Variants in SHANK1 observed in about 807,000 individuals in gnomAD.
The protein encoded by SHANK1 is SH3 and multiple ankyrin repeat domains 1.
SHANK1 carries 35 observed loss-of-function variants against 165.6 expected under a neutral mutation model. The ratio of observed to expected loss-of-function variants is 0.21; its 90% CI spans 0.16 to 0.28. The LOEUF (loss-of-function observed/expected upper bound fraction) is 0.28. Ranked by LOEUF, SHANK1 falls within the 10% of genes least tolerant of loss-of-function variation. The pLI is 1.00. For synonymous variants in SHANK1, 1,428 were observed against 1,384.8 expected (o/e 1.03, Z -0.69); for missense variants, 2,681 against 3,036.4 (o/e 0.88, Z 2.75).
rs1038200968 is a variant in SHANK1, at chr19:50,687,101, G to GCC, written c.2390-291_2390-290dup. 19 of 1,258,692 alleles carry GCC rather than the reference G, an allele frequency of 1.5e-5. No homozygotes were observed. In the Admixed American group the frequency reaches 4.8e-4, roughly 32 times the overall value. The allele number at this position is 1,258,692 out of a possible 1,614,324, so 78.0% of individuals were successfully genotyped here. ...TTAGGACGTCAGGGGAAGGTGAGGG[G>GCC]CCCCCTGTCTGGAAGCCCGCCTCCC... is the stretch of plus-strand genomic sequence containing the variant. On this transcript the variant is annotated intron_variant, in intron 19 of 23. Coordinates refer to ENST00000293441, the MANE Select transcript of SHANK1 (RefSeq NM_016148.5).
At chr19:50,707,194 A>C (rs4801849) in intron 8 of SHANK1, among the ~76,000 whole-genome samples, 1 of 152,018 alleles carries the variant, frequency 6.6e-6, no homozygotes, top group Admixed American at 6.6e-5. Context: ...TATTTGTCTC[A>C]GTAGTGTCTC....
At position 50,661,998 on chromosome 19, in the gene SHANK1, G is replaced by A. The variant is rs761477236; in HGVS notation, c.6453C>T (p.Ile2151=). ...GVTRVGHRMN[I]DRALKFFLER Reference sequence around the variant, plus strand: ...CCAGGAAGAATTTGAGAGCCCGGTCGATGTTCATGCGGTGGCCCACCCTGG... The same window carrying A: ...CCAGGAAGAATTTGAGAGCCCGGTCAATGTTCATGCGGTGGCCCACCCTGG... Residue 2151 remains isoleucine (I), a synonymous_variant, in exon 24 of 24, where the codon ATC becomes ATT. Transcript: ENST00000293441. 5.6e-6 allele frequency: 9 copies of A among 1,614,038 alleles called. No individual in the cohort carries two copies. Among genetic ancestry groups the A allele is most frequent in the East Asian group, 2.2e-5 (1 of 44,888 alleles).
intron 15 of SHANK1, among the ~76,000 whole-genome samples, chr19:50,694,547 G>C (rs891349685): frequency 7.4e-6 from 1 of 135,994 alleles, no homozygotes; most frequent in Non-Finnish European, 1.6e-5. Context: ...ATCCTGGAGG[G>C]GGGTCGGTTT....
intron 21 of SHANK1, among the ~76,000 whole-genome samples, chr19:50,672,976 C>T (rs111973571): frequency 1.3e-5 from 2 of 152,308 alleles, no homozygotes; most frequent in African/African-American, 4.8e-5. Context: ...CTGGATGCAG[C>T]ATCCCATCCC....
chr19:50,686,212 T>C lies in SHANK1; in HGVS notation c.2577+25A>G. ...GTGTGAACCGCCTCCCCCCTGGCAGTTCCTCCCCACACCAGGCCGCCTACC... is the reference window on the plus strand; with the variant it reads ...GTGTGAACCGCCTCCCCCCTGGCAGCTCCTCCCCACACCAGGCCGCCTACC... On this transcript the variant is annotated intron_variant, in intron 21 of 23. Transcript: ENST00000293441. The surrounding 1 kb of genome is among the most constrained non-coding windows in gnomAD (Gnocchi z 5.7). 7.0e-7 allele frequency: 1 copy of C among 1,432,600 alleles called. No homozygotes were observed. The highest frequency in any genetic ancestry group is 9.6e-7 in the Non-Finnish European group (1 of 1,040,896). The allele number at this position is 1,432,600 out of a possible 1,614,324, so 88.7% of individuals were successfully genotyped here.
rs142201032 is a variant in SHANK1 at position 50,673,732 on chromosome 19, A to C, written c.2578-1618T>G. ...AAGTGTTTTCATTTCTTTTCAAAGT[A>C]GAAGTGAAAGAAAAAAAGAAAAGAG... On this transcript the variant is annotated intron_variant, in intron 21 of 23. Coordinates refer to ENST00000293441, the MANE Select transcript of SHANK1 (RefSeq NM_016148.5). Among the ~76,000 whole-genome samples, 1,356 of 152,248 alleles carry C rather than the reference A, an allele frequency of 8.9e-3. 27 individuals are homozygous for C. The highest frequency in any genetic ancestry group is 0.031 in the African/African-American group (1,276 of 41,514).
Position 50,697,115 on chromosome 19 carries a change from C to G in SHANK1, c.1945G>C (p.Asp649His), listed in dbSNP as rs1028842282. 6 of 1,613,058 alleles carry G rather than the reference C, an allele frequency of 3.7e-6. No individual in the cohort carries two copies. The highest frequency in any genetic ancestry group is 4.2e-6 in the Non-Finnish European group (5 of 1,179,720). ...YDSFDAPSLM[D>H]GIGPGSDYII... Reference sequence around the variant, plus strand: ...TCTCACCTCCCTGGGCCAATCCCATCCATTAAGCTTCCGAAGCAAGTCAGC... The same window carrying G: ...TCTCACCTCCCTGGGCCAATCCCATGCATTAAGCTTCCGAAGCAAGTCAGC... Residue 649 changes from aspartate (D) to histidine (H), a missense_variant, in exon 15 of 24, where the codon GAT becomes CAT. This residue lies in a region of SHANK1 where 147 missense variants were observed against 256.5 expected (regional missense o/e 0.57). Transcript: ENST00000293441. This position sits in a 1 kb window ranked among gnomAD's most constrained non-coding sequence, Gnocchi z 4.7.
In SHANK1 at chr19:50,702,461, G is replaced by A. The variant is rs776947848; in HGVS notation, c.1747+6C>T. 1.2e-6 allele frequency: 2 copies of A among 1,607,064 alleles called. No individual in the cohort carries two copies. The highest frequency in any genetic ancestry group is 2.2e-5 in the South Asian group (2 of 90,296). On this transcript the variant is annotated splice_donor_region_variant and intron_variant, in intron 12 of 23. Coordinates refer to ENST00000293441, the MANE Select transcript of SHANK1 (RefSeq NM_016148.5). This position sits in a 1 kb window ranked among gnomAD's most constrained non-coding sequence, Gnocchi z 5.3. ...CCAGCCCAGGCCCTGCTTCCACCCT[G>A]GGTACCTTTGATCTTCTCGCCCTTG...
Position 50,686,483 on chromosome 19 carries a change from C to G in SHANK1, c.2459-128G>C, listed in dbSNP as rs1352162514. 1.3e-6 allele frequency: 1 copy of G among 778,402 alleles called. No homozygotes were observed. Among genetic ancestry groups the G allele is most frequent in the Non-Finnish European group, 2.1e-6 (1 of 473,884 alleles). The allele number at this position is 778,402 out of a possible 1,614,324, so 48.2% of individuals were successfully genotyped here. On this transcript the variant is annotated intron_variant, in intron 20 of 23. Coordinates refer to ENST00000293441, the MANE Select transcript of SHANK1 (RefSeq NM_016148.5). The surrounding 1 kb of genome is among the most constrained non-coding windows in gnomAD (Gnocchi z 5.7). ...CTGGATCAACCAGGAAAGGGCAGCC[C>G]TGCCTGGGTCCGGGTGGACGGGCAG... is the stretch of plus-strand genomic sequence containing the variant.
intron 15 of SHANK1, among the ~76,000 whole-genome samples, chr19:50,696,517 G>T (rs1446565468): frequency 6.6e-6 from 1 of 152,018 alleles, no homozygotes; most frequent in Non-Finnish European, 1.5e-5. Context: ...CCCTGGATTG[G>T]GGGGAGCAGT....
In SHANK1 at chr19:50,662,118, A is replaced by AC. The variant is rs146869643; in HGVS notation, c.6332dup (p.Leu2112PhefsTer71). 6.3e-7 allele frequency: 1 copy of AC among 1,594,816 alleles called. No homozygotes were observed. On this transcript the variant is annotated frameshift_variant, in exon 24 of 24. Transcript: ENST00000293441. LOFTEE classifies it high-confidence loss of function. The surrounding 1 kb of genome is among the most constrained non-coding windows in gnomAD (Gnocchi z 7.7). ...GGAACTGGGCTCGGTGCTCCGCCAA[A>AC]CCCAGCCACTCCAGCCAATCAGCCA...
intron 15 of SHANK1, among the ~76,000 whole-genome samples, chr19:50,694,197 GCA>G (rs1192977510): frequency 6.6e-6 from 1 of 151,388 alleles, no homozygotes; most frequent in East Asian, 2.0e-4. Flanking sequence ...ACACACACAC[GCA>G]CACACACGCA....
chr19:50,695,206 C>A (rs1479883114), intron 15 of SHANK1, among the ~76,000 whole-genome samples: 1 of 137,502 alleles, frequency 7.3e-6, no homozygotes, highest in East Asian at 2.2e-4. Context: ...GGGGCGCGCA[C>A]CCCCTCCCGC....
At position 50,686,163 on chromosome 19, in the gene SHANK1, GA is replaced by G; in HGVS notation, c.2577+73del. 1 of 862,802 alleles carries G rather than the reference GA, an allele frequency of 1.2e-6. No homozygotes were observed. 53.4% of individuals were successfully genotyped at this position (862,802 alleles called of 1,614,324 possible). On this transcript the variant is annotated intron_variant, in intron 21 of 23. Coordinates refer to ENST00000293441, the MANE Select transcript of SHANK1 (RefSeq NM_016148.5). This position sits in a 1 kb window ranked among gnomAD's most constrained non-coding sequence, Gnocchi z 5.7. The stretch of plus-strand genomic sequence containing the variant: ...GCACAGAGGCGTCAGGAGGGTTTTG[GA>G]AAGAGAAAGGCTCCAGGTTGGTGTG...
In SHANK1 at chr19:50,688,201, C is replaced by T; in HGVS notation, c.2173-143G>A. ...GTTCCTCTCCCTCCGACCCTTCATA[C>T]CACCGCCTCCCTGGGCAAGCCCCCT... is the stretch of plus-strand genomic sequence containing the variant. On this transcript the variant is annotated intron_variant, in intron 17 of 23. Coordinates refer to ENST00000293441, the MANE Select transcript of SHANK1 (RefSeq NM_016148.5). This position sits in a 1 kb window ranked among gnomAD's most constrained non-coding sequence, Gnocchi z 6.7. 9.8e-7 allele frequency: 1 copy of T among 1,020,732 alleles called. No individual in the cohort carries two copies. The highest frequency in any genetic ancestry group is 1.4e-6 in the Non-Finnish European group (1 of 701,774). 63.2% of individuals were successfully genotyped at this position (1,020,732 alleles called of 1,614,324 possible).
At chr19:50,711,341 G>A (rs1168221286) in intron 8 of SHANK1, 30 bp downstream of exon 8, 4 of 1,498,072 alleles carry the variant, frequency 2.7e-6, no homozygotes, top group South Asian at 2.4e-5. Context: ...GGGGATGTGA[G>A]GGGCCTGGGG....
chr19:50,672,420 C>T lies in SHANK1; in HGVS notation c.2578-306G>A, dbSNP rs958569094. 1.4e-4 allele frequency among the ~76,000 whole-genome samples: 22 copies of T among 151,872 alleles called. No homozygotes were observed. The East Asian group carries it at 3.9e-3, about 27-fold the overall frequency. On this transcript the variant is annotated intron_variant, in intron 21 of 23. Coordinates refer to ENST00000293441, the MANE Select transcript of SHANK1 (RefSeq NM_016148.5). ...AAAATTAGCCAGGCATGGTGGCAGG[C>T]GCCTGTAATCCCAGCTACTCGGGAG...
chr19:50,665,016 C>T (rs1359118049), intron 23 of SHANK1, among the ~76,000 whole-genome samples: 1 of 152,218 alleles, frequency 6.6e-6, no homozygotes, highest in African/African-American at 2.4e-5. Context: ...CTCAGCCTCC[C>T]AAAGTGCTGG....
intron 21 of SHANK1, among the ~76,000 whole-genome samples, chr19:50,679,623 C>T (rs1043384144): frequency 1.3e-5 from 2 of 152,190 alleles, no homozygotes; most frequent in Non-Finnish European, 2.9e-5. Flanking sequence ...CCCAGTTCTC[C>T]GTCACCTCGT....
Sources: allele counts gnomAD v4.1 joint callset (sites outside exome capture counted in the v4.1 genomes callset), GRCh38; gene constraint gnomAD v4.1.1; regional missense constraint gnomAD v4.1.1; non-coding constraint Gnocchi (gnomAD v3.1); transcripts MANE v1.5; gene names NCBI Gene and HGNC (gene_info 2026-07-23, HGNC 2026-07-21).